Variants in ATP2B2 observed in about 807,000 individuals in gnomAD.
The protein encoded by ATP2B2 is ATPase plasma membrane Ca2+ transporting 2.
A neutral mutation model predicts 120.0 loss-of-function variants in ATP2B2; 15 were observed. That is an observed-to-expected ratio of 0.12 (90% confidence interval 0.08 to 0.19). The LOEUF (loss-of-function observed/expected upper bound fraction) is 0.19, where lower values mean the gene tolerates loss of function less well. Among genes scored for constraint, ATP2B2 ranks in the 10% least tolerant of loss-of-function variants. The pLI, the probability that ATP2B2 is intolerant of heterozygous loss-of-function variation, is 1.00. For synonymous variants in ATP2B2, 694 were observed against 700.3 expected (o/e 0.99, Z 0.14); for missense variants, 1,045 against 1,719.8 (o/e 0.61, Z 6.94).
At chr3:10,678,256 C>A (rs570360551) in intron 1 of ATP2B2, among the ~76,000 whole-genome samples, 2 of 152,194 alleles carry the variant, frequency 1.3e-5, no homozygotes, top group Non-Finnish European at 1.5e-5. Context: ...TTAATAAAGG[C>A]TGGATGGGCA....
intron 1 of ATP2B2, among the ~76,000 whole-genome samples, chr3:10,624,420 G>A (rs1380137330): frequency 2.0e-5 from 3 of 152,180 alleles, no homozygotes; most frequent in Non-Finnish European, 4.4e-5. Context: ...GAATCCCTGT[G>A]TTGCATTGGT....
In ATP2B2 at chr3:10,342,312, G is replaced by A. The variant is rs241508; in HGVS notation, c.2917+440C>T. On this transcript the variant is annotated intron_variant, in intron 19 of 22. Transcript: ENST00000360273. The surrounding 1 kb of genome is among the most constrained non-coding windows in gnomAD (Gnocchi z 4.4). Reference sequence around the variant, plus strand: ...CAGCCCAAGTGGAAGCATTGTGAGAGTCGGTGGTGGTGTGAGCGTGTATGC... The same window carrying A: ...CAGCCCAAGTGGAAGCATTGTGAGAATCGGTGGTGGTGTGAGCGTGTATGC... Among the ~76,000 whole-genome samples the A allele has an allele frequency of 0.42, 63,554 of 152,012 alleles. 13,715 individuals are homozygous for A. The highest frequency in any genetic ancestry group is 0.64 in the South Asian group (3,057 of 4,814).
intron 1 of ATP2B2, among the ~76,000 whole-genome samples, chr3:10,484,776 T>C (rs2065571021): frequency 6.6e-6 from 1 of 152,162 alleles, no homozygotes; most frequent in African/African-American, 2.4e-5. Context: ...CATGATATAA[T>C]ACAACCTCAA....
intron 3 of ATP2B2, among the ~76,000 whole-genome samples, chr3:10,512,464 G>GCGCGCGCGCGCGCACACA (rs749056818): frequency 2.9e-5 from 4 of 136,926 alleles, no homozygotes; most frequent in East Asian, 2.2e-4. Flanking sequence ...AAGTGTGTGC[G>GCGCGCGCGCGCGCACACA]CACACACACA....
In ATP2B2 at chr3:10,358,672, C is replaced by T. The variant is rs775994035; in HGVS notation, c.2136+19G>A. 1.1e-5 allele frequency: 17 copies of T among 1,613,322 alleles called. No individual in the cohort carries two copies. Among genetic ancestry groups the T allele is most frequent in the South Asian group, 5.5e-5 (5 of 91,006 alleles). ...CAGCCTCATCCCCTTTCCCTGAGCTCGCTGGCCCTGGGGCCTACCTCTGGC... is the reference window on the plus strand; with the variant it reads ...CAGCCTCATCCCCTTTCCCTGAGCTTGCTGGCCCTGGGGCCTACCTCTGGC... On this transcript the variant is annotated intron_variant, in intron 14 of 22. Transcript: ENST00000360273.
intron 2 of ATP2B2, among the ~76,000 whole-genome samples, chr3:10,586,493 AAAG>A (rs1464793918): frequency 6.6e-6 from 1 of 152,196 alleles, no homozygotes; most frequent in Non-Finnish European, 1.5e-5. Flanking sequence ...GTAGAGACAG[AAAG>A]AAGGCCAGTA....
chr3:10,526,583 G>T (rs1014453792), intron 3 of ATP2B2, among the ~76,000 whole-genome samples: 6 of 152,198 alleles, frequency 3.9e-5, no homozygotes, highest in African/African-American at 1.4e-4. Flanking sequence ...ACCTCTTGGG[G>T]GGATGCCAGA....
intron 1 of ATP2B2, among the ~76,000 whole-genome samples, chr3:10,670,555 T>C (rs1352321352): frequency 1.3e-5 from 2 of 152,092 alleles, no homozygotes; most frequent in African/African-American, 4.8e-5. Flanking sequence ...GTAGCTGGGA[T>C]TACAGGCGCC....
At chr3:10,627,694 T>C (rs537351429) in intron 1 of ATP2B2, among the ~76,000 whole-genome samples, 3 of 152,168 alleles carry the variant, frequency 2.0e-5, no homozygotes, top group Non-Finnish European at 2.9e-5. Flanking sequence ...TCTTCTTCAT[T>C]ACGAATTTCT....
At chr3:10,547,003 T>C (rs2067561775) in intron 2 of ATP2B2, among the ~76,000 whole-genome samples, 1 of 152,062 alleles carries the variant, frequency 6.6e-6, no homozygotes, top group Non-Finnish European at 1.5e-5. Flanking sequence ...ACACACCAAC[T>C]CAGAGGCAAA....
At chr3:10,636,686 G>A (rs1030425623) in intron 1 of ATP2B2, among the ~76,000 whole-genome samples, 2 of 152,152 alleles carry the variant, frequency 1.3e-5, no homozygotes, top group Admixed American at 6.6e-5. Context: ...AACAAAATAG[G>A]TAAGTCAGTG....
At chr3:10,626,673 A>G (rs1160921492) in intron 1 of ATP2B2, 1 of 152,100 alleles carries the variant, frequency 6.6e-6, no homozygotes, top group Non-Finnish European at 1.5e-5. Flanking sequence ...GAATAGATGG[A>G]GAAAAGGATG....
chr3:10,506,065 T>C (rs942729278), upstream of ATP2B2, among the ~76,000 whole-genome samples: 6 of 151,882 alleles, frequency 4.0e-5, no homozygotes, highest in Admixed American at 2.6e-4. Context: ...GGGGACTTAT[T>C]TGGTCAGGGG....
At chr3:10,414,877 T>C (rs954137408) in intron 2 of ATP2B2, among the ~76,000 whole-genome samples, 1 of 151,472 alleles carries the variant, frequency 6.6e-6, no homozygotes, top group Non-Finnish European at 1.5e-5. Context: ...ACTCAGGGCA[T>C]AAACACATTT....
At chr3:10,689,066 T>G (rs1307061014) in intron 1 of ATP2B2, among the ~76,000 whole-genome samples, 1 of 152,140 alleles carries the variant, frequency 6.6e-6, no homozygotes, top group Non-Finnish European at 1.5e-5. Flanking sequence ...ATATCAGATT[T>G]GAAGAGCCAA....
At chr3:10,496,623 A>G (rs1431384418) in intron 1 of ATP2B2, among the ~76,000 whole-genome samples, 1 of 143,612 alleles carries the variant, frequency 7.0e-6, no homozygotes, top group Non-Finnish European at 1.5e-5. Context: ...AGTGAGTCCA[A>G]CCCAAGATCC....
rs2061356468 is a variant in ATP2B2 at position 10,375,483 on chromosome 3, C to T, written c.1363G>A (p.Val455Met). Residue 455 changes from valine (V) to methionine (M), a missense_variant, in exon 11 of 23, where the codon GTG becomes ATG. Coordinates refer to ENST00000360273, the MANE Select transcript of ATP2B2 (RefSeq NM_001001331.4). The surrounding 1 kb of genome is among the most constrained non-coding windows in gnomAD (Gnocchi z 4.2). ...IIGVTVLVVA[V>M]PEGLPLAVTI... ...ACGGCCAGAGGGAGCCCCTCGGGCA[C>T]GGCGACCACCAGCACCGTCACGCCA... 6.2e-7 allele frequency: 1 copy of T among 1,613,448 alleles called. No individual in the cohort carries two copies. The highest frequency in any genetic ancestry group is 8.5e-7 in the Non-Finnish European group (1 of 1,180,018).
At chr3:10,646,876 C>T (rs1049006193) in intron 1 of ATP2B2, among the ~76,000 whole-genome samples, 6 of 152,180 alleles carry the variant, frequency 3.9e-5, no homozygotes, top group African/African-American at 7.2e-5. Context: ...CAACTCCCAT[C>T]GGAACAGAAT....
intron 3 of ATP2B2, among the ~76,000 whole-genome samples, chr3:10,518,644 C>A (rs2066921726): frequency 6.6e-6 from 1 of 152,274 alleles, no homozygotes; most frequent in Non-Finnish European, 1.5e-5. Flanking sequence ...ACCTCAATGA[C>A]TAACACACAT....
Sources: allele counts gnomAD v4.1 joint callset (sites outside exome capture counted in the v4.1 genomes callset), GRCh38; gene constraint gnomAD v4.1.1; non-coding constraint Gnocchi (gnomAD v3.1); transcripts MANE v1.5; gene names NCBI Gene and HGNC (gene_info 2026-07-23, HGNC 2026-07-21).